Variants in GABRA3 observed in about 807,000 individuals in gnomAD.
GABRA3 encodes gamma-aminobutyric acid type A receptor subunit alpha3.
In GABRA3, 10 loss-of-function variants were observed where a neutral mutation model predicts 30.1. The observed-to-expected ratio is 0.33, with a 90% confidence interval of 0.20 to 0.56. The LOEUF (loss-of-function observed/expected upper bound fraction) is 0.56, where lower values mean the gene tolerates loss of function less well. Ranked by LOEUF, GABRA3 falls within the 20% of genes least tolerant of loss-of-function variation. The probability of loss-of-function intolerance (pLI) is 0.89; values close to 1 mark genes in which losing one functional copy is unlikely to be tolerated. For missense variants in GABRA3, 233 were observed against 392.0 expected (o/e 0.59, Z 3.42); for synonymous variants, 151 against 146.8 (o/e 1.03, Z -0.21).
At chrX:152,252,197 C>A (rs1938567289) in intron 5 of GABRA3, among the ~76,000 whole-genome samples, 1 of 111,472 alleles carries the variant, frequency 9.0e-6, no homozygotes, top group African/African-American at 3.3e-5. Flanking sequence ...ACTATCTCCC[C>A]ACTCCAACTC....
chrX:152,408,378 T>C (rs1929986448), intron 1 of GABRA3, among the ~76,000 whole-genome samples: 1 of 111,747 alleles, frequency 8.9e-6, no homozygotes, highest in Non-Finnish European at 1.9e-5. Context: ...TCAGTAAAGT[T>C]GCCGGATACT....
At chrX:152,365,257 T>C (rs73639087) in intron 1 of GABRA3, among the ~76,000 whole-genome samples, 12,446 of 111,364 alleles carry the variant, frequency 0.11, 550 homozygotes, top group South Asian at 0.14. Flanking sequence ...TGAGACATCA[T>C]GGCTCTTGAA....
chrX:152,325,506 G>T (rs995700819), intron 3 of GABRA3, among the ~76,000 whole-genome samples: 13 of 111,685 alleles, frequency 1.2e-4, no homozygotes, highest in African/African-American at 3.9e-4. Flanking sequence ...GCTTCCAGAG[G>T]AAGTATCAGG....
At chrX:152,354,345 T>C (rs1338646936) in intron 2 of GABRA3, among the ~76,000 whole-genome samples, 1 of 111,575 alleles carries the variant, frequency 9.0e-6, no homozygotes, top group Middle Eastern at 4.3e-3. Flanking sequence ...GTTATAAGGA[T>C]TATATTAATC....
chrX:152,350,480 G>A (rs1001000693), intron 2 of GABRA3, among the ~76,000 whole-genome samples: 8 of 109,778 alleles, frequency 7.3e-5, no homozygotes, highest in African/African-American at 2.7e-4. Context: ...AGGAAATAGA[G>A]ACACAAAAAA....
chrX:152,390,430 G>A lies in GABRA3; in HGVS notation c.-26-25834C>T, dbSNP rs181323106. On this transcript the variant is annotated intron_variant, in intron 1 of 9. Transcript: ENST00000370314. ...TGCCTTATGCAGAAAACCATGGTAT[G>A]TGAGCACATTAGATAACTATGGTGA... 8.9e-5 allele frequency among the ~76,000 whole-genome samples: 10 copies of A among 112,870 alleles called. No individual in the cohort carries two copies. The East Asian group carries it at 1.9e-3, about 22-fold the overall frequency.
chrX:152,411,554 A>G (rs1930071256), intron 1 of GABRA3, among the ~76,000 whole-genome samples: 1 of 111,668 alleles, frequency 9.0e-6, no homozygotes, highest in Non-Finnish European at 1.9e-5. Context: ...TGTTTCACTT[A>G]TCATATGCAA....
chrX:152,373,111 G>A (rs180973820), intron 1 of GABRA3, among the ~76,000 whole-genome samples: 1 of 111,771 alleles, frequency 8.9e-6, no homozygotes, highest in Admixed American at 9.5e-5. Context: ...TTTTTGTGGC[G>A]TTTCTGTATA....
intron 3 of GABRA3, among the ~76,000 whole-genome samples, chrX:152,329,840 G>A (rs1378341110): frequency 1.8e-5 from 2 of 111,577 alleles, no homozygotes; most frequent in Non-Finnish European, 3.8e-5. Context: ...AGCCAAAATC[G>A]AAAAATGGGA....
chrX:152,292,436 G>C (rs12687401), intron 3 of GABRA3, among the ~76,000 whole-genome samples: 1 of 109,785 alleles, frequency 9.1e-6, no homozygotes, highest in Non-Finnish European at 1.9e-5. Context: ...TTCTTCTCTC[G>C]TTTCTTCTTT....
chrX:152,409,957 A>G (rs1317502206), intron 1 of GABRA3, among the ~76,000 whole-genome samples: 2 of 112,818 alleles, frequency 1.8e-5, no homozygotes, highest in African/African-American at 6.4e-5. Context: ...TAGAGAATCA[A>G]CCTAAAGTCC....
chrX:152,356,590 T>G (rs1940553030), intron 2 of GABRA3, among the ~76,000 whole-genome samples: 1 of 111,951 alleles, frequency 8.9e-6, no homozygotes, highest in Non-Finnish European at 1.9e-5. Flanking sequence ...TCATAATTTT[T>G]TTCTTTACAG....
intron 9 of GABRA3, among the ~76,000 whole-genome samples, chrX:152,182,251 ATTTT>A (rs770663157): frequency 1.9e-5 from 2 of 103,719 alleles, no homozygotes; most frequent in Non-Finnish European, 3.9e-5. Flanking sequence ...CAAGATGAGT[ATTTT>A]TTTTAAGTTT....
chrX:152,208,729 C>T (rs1263920335), intron 6 of GABRA3, among the ~76,000 whole-genome samples: 4 of 111,209 alleles, frequency 3.6e-5, no homozygotes, highest in Non-Finnish European at 7.5e-5. Flanking sequence ...AGCCTTGCAC[C>T]GCCTTCTCTC....
intron 5 of GABRA3, among the ~76,000 whole-genome samples, chrX:152,232,156 C>A (rs1388817221): frequency 9.0e-6 from 1 of 111,328 alleles, no homozygotes; most frequent in Admixed American, 9.6e-5. Flanking sequence ...GTAAGTTATA[C>A]TTCAAAAAGT....
At chrX:152,253,418 T>C (rs1425733967) in intron 5 of GABRA3, among the ~76,000 whole-genome samples, 1 of 111,669 alleles carries the variant, frequency 9.0e-6, no homozygotes, top group Non-Finnish European at 1.9e-5. Flanking sequence ...CACAGACTTA[T>C]CTAAATTTGT....
intron 1 of GABRA3, among the ~76,000 whole-genome samples, chrX:152,402,427 T>C (rs1929818334): frequency 8.9e-6 from 1 of 112,077 alleles, no homozygotes; most frequent in Non-Finnish European, 1.9e-5. Flanking sequence ...AGGAATAGAT[T>C]TTAAATTAGC....
chrX:152,380,083 C>T (rs1285527628), intron 1 of GABRA3, among the ~76,000 whole-genome samples: 1 of 111,800 alleles, frequency 8.9e-6, no homozygotes, highest in African/African-American at 3.3e-5. Flanking sequence ...ATATCGATCA[C>T]TTTTCTTACC....
At chrX:152,252,979 T>C (rs1399759645) in intron 5 of GABRA3, among the ~76,000 whole-genome samples, 3 of 112,144 alleles carry the variant, frequency 2.7e-5, no homozygotes, top group Non-Finnish European at 5.6e-5. Flanking sequence ...TTGTCCATGC[T>C]GAACTTCAAG....
Sources: allele counts gnomAD v4.1 joint callset (sites outside exome capture counted in the v4.1 genomes callset), GRCh38; gene constraint gnomAD v4.1.1; transcripts MANE v1.5; gene names NCBI Gene and HGNC (gene_info 2026-07-23, HGNC 2026-07-21).